The following HCN1 variants were observed in gnomAD, a reference collection of about 807,000 sequenced individuals.
HCN1 encodes the protein potassium/sodium hyperpolarization-activated cyclic nucleotide-gated channel 1.
In HCN1, 13 loss-of-function variants were observed where a neutral mutation model predicts 78.9. That is an observed-to-expected ratio of 0.16 (90% CI 0.11 to 0.26). HCN1 has a LOEUF of 0.26. Among genes scored for constraint, HCN1 ranks in the 10% least tolerant of loss-of-function variants. HCN1 has a pLI of 1.00. For missense variants in HCN1, 810 were observed against 1,154.3 expected (o/e 0.70, Z 4.32); for synonymous variants, 552 against 455.5 (o/e 1.21, Z -2.70).
chr5:45,682,852 ATT>A (rs984780771), intron 1 of HCN1, among the ~76,000 whole-genome samples: 4 of 152,124 alleles, frequency 2.6e-5, no homozygotes, highest in Non-Finnish European at 4.4e-5. Context: ...TTTGTTTATA[ATT>A]TTGTGCTATT....
In HCN1 at chr5:45,260,325, A is replaced by G. The variant is rs917532660; in HGVS notation, c.*1596T>C. The G allele has an allele frequency of 6.6e-6, 1 of 152,184 alleles. No homozygotes were observed. The highest frequency in any genetic ancestry group is 6.5e-5 in the Admixed American group (1 of 15,274). The allele number at this position is 152,184 out of a possible 1,614,324, so 9.4% of individuals were successfully genotyped here. Reference sequence around the variant, plus strand: ...CAATTGTGTTCCAGTCATACTCCACATGTGTGGGATGCATTAGGCACAAAT... The same window carrying G: ...CAATTGTGTTCCAGTCATACTCCACGTGTGTGGGATGCATTAGGCACAAAT... On this transcript the variant is annotated 3_prime_UTR_variant, in exon 8 of 8. Coordinates refer to ENST00000303230, the MANE Select transcript of HCN1 (RefSeq NM_021072.4).
intron 3 of HCN1, among the ~76,000 whole-genome samples, chr5:45,457,083 T>C (rs774988798): frequency 6.6e-5 from 10 of 152,040 alleles, no homozygotes; most frequent in Non-Finnish European, 1.2e-4. Context: ...AGATTGCTAG[T>C]AGAAAACATG....
chr5:45,524,985 G>C, intron 2 of HCN1, among the ~76,000 whole-genome samples: 1 of 152,078 alleles, frequency 6.6e-6, no homozygotes. Context: ...TATGATATTG[G>C]CTGTGGGTTT....
intron 2 of HCN1, among the ~76,000 whole-genome samples, chr5:45,639,797 T>G (rs1160631991): frequency 6.6e-6 from 1 of 152,178 alleles, no homozygotes; most frequent in East Asian, 1.9e-4. Flanking sequence ...ACTGGTGGTG[T>G]TAGCTCTATC....
chr5:45,354,189 A>C (rs967895836), intron 4 of HCN1, among the ~76,000 whole-genome samples: 2 of 151,954 alleles, frequency 1.3e-5, no homozygotes, highest in Non-Finnish European at 2.9e-5. Context: ...ATGGAATAAG[A>C]ATTTGCATCT....
intron 5 of HCN1, among the ~76,000 whole-genome samples, chr5:45,337,183 T>C (rs1039259339): frequency 6.6e-6 from 1 of 152,048 alleles, no homozygotes; most frequent in African/African-American, 2.4e-5. Context: ...GAATGACTAA[T>C]GCATAAACAC....
chr5:45,533,995 G>A (rs539138348), intron 2 of HCN1, among the ~76,000 whole-genome samples: 1 of 152,214 alleles, frequency 6.6e-6, no homozygotes, highest in East Asian at 1.9e-4. Context: ...GCTTTAAGAT[G>A]TATTATCTAA....
chr5:45,624,836 C>T (rs1745131233), intron 2 of HCN1, among the ~76,000 whole-genome samples: 1 of 151,808 alleles, frequency 6.6e-6, no homozygotes, highest in Non-Finnish European at 1.5e-5. Flanking sequence ...CTAGATGGTA[C>T]CTTAGGTCAA....
At chr5:45,695,534 C>A in intron 1 of HCN1, 135 bp downstream of exon 1, 1 of 840,572 alleles carries the variant, frequency 1.2e-6, no homozygotes, top group Non-Finnish European at 1.9e-6. Flanking sequence ...GCCTGCTTAG[C>A]CCGAGCCGAC....
At chr5:45,466,434 G>T (rs1475190532) in intron 2 of HCN1, among the ~76,000 whole-genome samples, 1 of 152,016 alleles carries the variant, frequency 6.6e-6, no homozygotes. Context: ...ATTGATTCAA[G>T]ACTTCTTAAT....
At chr5:45,548,778 G>T (rs1197165714) in intron 2 of HCN1, among the ~76,000 whole-genome samples, 2 of 152,140 alleles carry the variant, frequency 1.3e-5, no homozygotes, top group Non-Finnish European at 2.9e-5. Flanking sequence ...TCCTTAAGCT[G>T]ATAGGTAACT....
At chr5:45,283,377 T>G (rs554869661) in intron 6 of HCN1, among the ~76,000 whole-genome samples, 1 of 151,838 alleles carries the variant, frequency 6.6e-6, no homozygotes, top group Non-Finnish European at 1.5e-5. Context: ...TGGGAGAAAA[T>G]TTTTGCAAAC....
chr5:45,669,726 T>C (rs995906756), intron 1 of HCN1, among the ~76,000 whole-genome samples: 3 of 151,690 alleles, frequency 2.0e-5, no homozygotes, highest in Non-Finnish European at 4.4e-5. Context: ...CATGCAAAGA[T>C]AGGTTAGCAT....
At chr5:45,536,374 A>AT (rs575035231) in intron 2 of HCN1, among the ~76,000 whole-genome samples, 1 of 151,866 alleles carries the variant, frequency 6.6e-6, no homozygotes. Flanking sequence ...TTATTCTTCC[A>AT]TTTTTTTCTT....
chr5:45,366,545 T>G (rs992887332), intron 4 of HCN1, among the ~76,000 whole-genome samples: 12 of 151,820 alleles, frequency 7.9e-5, no homozygotes, highest in Non-Finnish European at 1.3e-4. Flanking sequence ...AATAGCTTGA[T>G]TTACATTTGT....
chr5:45,300,933 T>G (rs9292918), intron 6 of HCN1, among the ~76,000 whole-genome samples: 49,444 of 151,962 alleles, frequency 0.33, 10,409 homozygotes, highest in African/African-American at 0.59. Flanking sequence ...CAAGAAAGAA[T>G]AGTGGAAGAA....
chr5:45,368,401 A>G (rs997019226), intron 4 of HCN1, among the ~76,000 whole-genome samples: 1 of 152,024 alleles, frequency 6.6e-6, no homozygotes, highest in Non-Finnish European at 1.5e-5. Flanking sequence ...ATGGTGGGCT[A>G]AGGATGAGTT....
intron 6 of HCN1, among the ~76,000 whole-genome samples, chr5:45,289,070 A>C (rs2111881527): frequency 6.6e-6 from 1 of 152,180 alleles, no homozygotes; most frequent in Admixed American, 6.6e-5. Context: ...TTTGGGGGGC[A>C]TTATACAATA....
At chr5:45,330,684 T>C (rs566104517) in intron 5 of HCN1, among the ~76,000 whole-genome samples, 4 of 151,148 alleles carry the variant, frequency 2.6e-5, no homozygotes, top group African/African-American at 9.7e-5. Context: ...GTGAGATAGC[T>C]TTGCAAGAAA....
Sources: gnomAD v4.1 joint callset for allele counts (sites outside exome capture counted in the v4.1 genomes callset) on GRCh38, gnomAD v4.1.1 for gene constraint, MANE v1.5 for transcripts, NCBI Gene and HGNC (gene_info 2026-07-23, HGNC 2026-07-21) for gene names.